The following ALKBH1 variants were observed in gnomAD, a reference collection of about 807,000 sequenced individuals.
The protein encoded by ALKBH1 is nucleic acid dioxygenase ALKBH1.
In ALKBH1, 31 loss-of-function variants were observed where a neutral mutation model predicts 36.6. The observed-to-expected ratio is 0.85, with a 90% CI of 0.64 to 1.14. The LOEUF is 1.14. Ranked by LOEUF, ALKBH1 falls within the 50% of genes most tolerant of loss-of-function variation. The pLI is 0.00. For synonymous variants in ALKBH1, 183 were observed against 186.6 expected (o/e 0.98, Z 0.16); for missense variants, 490 against 497.3 (o/e 0.99, Z 0.14).
intron 4 of ALKBH1, among the ~76,000 whole-genome samples, chr14:77,677,300 A>AC (rs1373585372): frequency 6.6e-6 from 1 of 152,078 alleles, no homozygotes; most frequent in Non-Finnish European, 1.5e-5. Flanking sequence ...TCGGCCTCCC[A>AC]AAGTGCTGGG....
Position 77,673,622 on chromosome 14 carries a change from A to G in ALKBH1, c.*190T>C. 3.3e-6 allele frequency: 2 copies of G among 613,624 alleles called. No homozygotes were observed. The highest frequency in any genetic ancestry group is 5.7e-6 in the Non-Finnish European group (2 of 350,914). The allele number at this position is 613,624 out of a possible 1,614,324, so 38.0% of individuals were successfully genotyped here. A position where few individuals can be genotyped will look rare whatever the true frequency, so the allele number is the denominator to read the frequency against. ...CATGTAACTAGGAACAGACCATGTCAAACACTTCTCTGAGCAAAGTGGCTG... is the reference window on the plus strand; with the variant it reads ...CATGTAACTAGGAACAGACCATGTCGAACACTTCTCTGAGCAAAGTGGCTG... On this transcript the variant is annotated 3_prime_UTR_variant, in exon 6 of 6. Coordinates refer to ENST00000216489, the MANE Select transcript of ALKBH1 (RefSeq NM_006020.3).
intron 3 of ALKBH1, among the ~76,000 whole-genome samples, chr14:77,686,919 G>C (rs2080271375): frequency 6.6e-6 from 1 of 152,148 alleles, no homozygotes; most frequent in Admixed American, 6.5e-5. Context: ...ACTGTGCCTG[G>C]CCACCCCATT....
chr14:77,690,526 C>T (rs959950637), intron 3 of ALKBH1, among the ~76,000 whole-genome samples: 3 of 152,152 alleles, frequency 2.0e-5, no homozygotes, highest in African/African-American at 7.2e-5. Context: ...GGTTAGGAGG[C>T]TACTGCAGTG....
At chr14:77,686,869 G>A (rs575031175) in intron 3 of ALKBH1, among the ~76,000 whole-genome samples, 68 of 152,110 alleles carry the variant, frequency 4.5e-4, no homozygotes, top group Non-Finnish European at 9.0e-4. Flanking sequence ...TGATCCACCC[G>A]CCTTTGCCTC....
At position 77,705,411 on chromosome 14, in the gene ALKBH1, G is replaced by GAA. The variant is rs56123313; in HGVS notation, c.184-936_184-935dup. Among the ~76,000 whole-genome samples the GAA allele has an allele frequency of 4.4e-4, 50 of 113,326 alleles. 1 individual carries two copies. Among genetic ancestry groups the GAA allele is most frequent in the East Asian group, 7.6e-4 (3 of 3,926 alleles). 74.3% of individuals were successfully genotyped at this position (113,326 alleles called of 152,430 possible). A position where few individuals can be genotyped will look rare whatever the true frequency, so the allele number is the denominator to read the frequency against. ...AGGAACAGAGCAAGACTCCGTCTAA[G>GAA]AAAAAAAAAAAAAAAAAAAAAGAGA... On this transcript the variant is annotated intron_variant, in intron 1 of 5. Transcript: ENST00000216489.
Position 77,675,856 on chromosome 14 carries a change from T to G in ALKBH1, c.547-7A>C. ...AATGATCTGCTGAGTATTTCTTTGG[T>G]AAATGTAGAGAGAATAAGAAAAATA... On this transcript the variant is annotated splice_polypyrimidine_tract_variant and splice_region_variant and intron_variant, in intron 4 of 5. Transcript: ENST00000216489. The G allele has an allele frequency of 6.2e-7, 1 of 1,607,148 alleles. No homozygotes were observed. Among genetic ancestry groups the G allele is most frequent in the Non-Finnish European group, 8.5e-7 (1 of 1,173,818 alleles).
chr14:77,675,827 G>A lies in ALKBH1; in HGVS notation c.569C>T (p.Thr190Ile). ...GAAACCCAGGTCAGAAGGGAAAGGT[G>A]TGTAATGATCTGCTGAGTATTTCTT... ...DSKKYSADHY[T>I]PFPSDLGFLS... Residue 190 changes from threonine to isoleucine, a missense_variant, in exon 5 of 6, where the codon ACA (threonine) becomes ATA (isoleucine). Thr to Ile is a moderately conservative substitution (Grantham distance 89). Transcript: ENST00000216489. 1 of 1,613,618 alleles carries A rather than the reference G, an allele frequency of 6.2e-7. No individual in the cohort carries two copies.
intron 2 of ALKBH1, among the ~76,000 whole-genome samples, chr14:77,700,429 CT>C (rs1367344806): frequency 6.6e-6 from 1 of 152,138 alleles, no homozygotes; most frequent in Non-Finnish European, 1.5e-5. Flanking sequence ...AGTCAATGAG[CT>C]TTTGGCATCA....
At position 77,680,091 on chromosome 14, in the gene ALKBH1, A is replaced by G. The variant is rs2080228672; in HGVS notation, c.456-121T>C. The stretch of plus-strand genomic sequence containing the variant: ...TATAAGCCGTTAGCCAAGACTCAGT[A>G]GGAGAAATTAGAAGAGATAAATGAG... On this transcript the variant is annotated intron_variant, in intron 3 of 5. Transcript: ENST00000216489. 5.8e-6 allele frequency: 4 copies of G among 694,404 alleles called. No homozygotes were observed. In the Admixed American group the frequency reaches 9.3e-5, roughly 16 times the overall value. The allele number at this position is 694,404 out of a possible 1,614,324, so 43.0% of individuals were successfully genotyped here.
chr14:77,683,149 CTTTTTTTTTTTT>C (rs34921168), intron 3 of ALKBH1: 4 of 406,026 alleles, frequency 9.9e-6, no homozygotes, highest in African/African-American at 2.3e-5. Context: ...GCTGTAAAGT[CTTTTTTTTTTTT>C]TTTTTTTTTT....
At chr14:77,686,578 A>C (rs4899670) in intron 3 of ALKBH1, among the ~76,000 whole-genome samples, 71,436 of 151,972 alleles carry the variant, frequency 0.47, 17,024 homozygotes, top group African/African-American at 0.5. Context: ...TGCTTGGTTT[A>C]TGTCATGGGT....
Position 77,707,071 on chromosome 14 carries a change from A to T in ALKBH1, c.183+751T>A, listed in dbSNP as rs1056162306. Among the ~76,000 whole-genome samples the T allele has an allele frequency of 6.6e-5, 10 of 152,214 alleles. No homozygotes were observed. In the East Asian group the frequency reaches 7.7e-4, roughly 12 times the overall value. ...ATGTTCCCTTAAAAAAATAATTTTTAAAAAATCTATTTACTTGAGAACAGG... is the reference window on the plus strand; with the variant it reads ...ATGTTCCCTTAAAAAAATAATTTTTTAAAAATCTATTTACTTGAGAACAGG... On this transcript the variant is annotated intron_variant, in intron 1 of 5. Transcript: ENST00000216489.
chr14:77,699,829 C>T (rs558452905), intron 2 of ALKBH1, among the ~76,000 whole-genome samples: 5 of 152,090 alleles, frequency 3.3e-5, no homozygotes, highest in South Asian at 4.1e-4. Flanking sequence ...GCAAGGAGGG[C>T]GGATCACGAG....
At chr14:77,697,389 A>T (rs2080333454) in intron 2 of ALKBH1, 2 of 164,370 alleles carry the variant, frequency 1.2e-5, no homozygotes, top group African/African-American at 4.8e-5. Flanking sequence ...CGGGCAATGG[A>T]GCTGCACATG....
Position 77,673,900 on chromosome 14 carries a change from T to A in ALKBH1, c.1082A>T (p.Glu361Val). The change falls in exon 6 of 6, where the codon GAA (glutamate) becomes GTA (valine). Residue 361 changes from glutamate (E) to valine (V), a missense_variant. Transcript: ENST00000216489. ...QNFPLEPIED[E>V]KRDISTEGFC... ...ACCTTCTGTACTGATGTCTCTTTTT[T>A]CATCCTCGATGGGTTCTAGAGGGAA... The A allele has an allele frequency of 6.2e-7, 1 of 1,614,230 alleles. No homozygotes were observed. Among genetic ancestry groups the A allele is most frequent in the East Asian group, 2.2e-5 (1 of 44,892 alleles).
intron 3 of ALKBH1, chr14:77,683,792 G>A (rs2080252299): frequency 5.3e-6 from 1 of 188,678 alleles, no homozygotes; most frequent in Non-Finnish European, 1.1e-5. Context: ...AGCTGGTCTT[G>A]AACTGCTGAC....
At position 77,675,768 on chromosome 14, in the gene ALKBH1, C is replaced by G. The variant is rs763256828; in HGVS notation, c.628G>C (p.Glu210Gln). 1 of 1,614,092 alleles carries G rather than the reference C, an allele frequency of 6.2e-7. No individual in the cohort carries two copies. The highest frequency in any genetic ancestry group is 1.1e-5 in the South Asian group (1 of 91,088). Reference sequence around the variant, plus strand: ...ATCCCTGCTTCAGCTCGGAAATCCTCAAATCCACAGGCAGCGGCTACTTGC... The same window carrying G: ...ATCCCTGCTTCAGCTCGGAAATCCTGAAATCCACAGGCAGCGGCTACTTGC... ...SEQVAAACGF[E>Q]DFRAEAGILN... is the part of the protein sequence containing the mutation. Residue 210 changes from glutamate (E) to glutamine (Q), a missense_variant, in exon 5 of 6, where the codon GAG (glutamate) becomes CAG (glutamine). Transcript: ENST00000216489.
chr14:77,694,716 C>T lies in ALKBH1; in HGVS notation c.455+22G>A, dbSNP rs772373246. The T allele has an allele frequency of 2.6e-6, 4 of 1,561,480 alleles. No homozygotes were observed. The South Asian group carries it at 5.0e-5, about 20-fold the overall frequency. Reference sequence around the variant, plus strand: ...TGATCTGAGCTGAGTATTAACACTTCATTCTGATTGACAAGACTTACCTCA... The same window carrying T: ...TGATCTGAGCTGAGTATTAACACTTTATTCTGATTGACAAGACTTACCTCA... On this transcript the variant is annotated intron_variant, in intron 3 of 5. Transcript: ENST00000216489.
intron 4 of ALKBH1, among the ~76,000 whole-genome samples, chr14:77,677,416 G>A (rs1422695041): frequency 2.6e-5 from 4 of 152,316 alleles, no homozygotes; most frequent in East Asian, 3.9e-4. Flanking sequence ...TCACTTACAG[G>A]TTCCTATATG....
Sources: allele counts gnomAD v4.1 joint callset (sites outside exome capture counted in the v4.1 genomes callset), GRCh38; gene constraint gnomAD v4.1.1; transcripts MANE v1.5; gene names NCBI Gene and HGNC (gene_info 2026-07-23, HGNC 2026-07-21).